DNAJC9: variants seen among roughly 807,000 people sequenced by gnomAD.
The protein encoded by DNAJC9 is DnaJ heat shock protein family (Hsp40) member C9.
DNAJC9 carries 18 observed loss-of-function variants against 32.4 expected under a neutral mutation model. The ratio of observed to expected loss-of-function variants is 0.56; its 90% CI spans 0.38 to 0.82. The LOEUF is 0.82. DNAJC9 is among the 40% of genes least tolerant of loss of function. The probability of loss-of-function intolerance (pLI) is 0.00; values close to 1 mark genes in which losing one functional copy is unlikely to be tolerated. For missense variants in DNAJC9, 310 were observed against 321.8 expected (o/e 0.96, Z 0.28); for synonymous variants, 113 against 122.1 (o/e 0.93, Z 0.49).
downstream of DNAJC9, among the ~76,000 whole-genome samples, chr10:73,237,947 GTCTTC>G (rs1454525049): frequency 1.3e-5 from 2 of 152,006 alleles, no homozygotes; most frequent in African/African-American, 2.4e-5. Context: ...AAATGTTTCA[GTCTTC>G]TCTTTAAGTT....
intron 3 of DNAJC9, among the ~76,000 whole-genome samples, chr10:73,245,364 C>G (rs1218450019): frequency 1.4e-5 from 2 of 142,266 alleles, no homozygotes; most frequent in African/African-American, 2.6e-5. Context: ...CTCTCCTCAC[C>G]CCCACTGTCA....
chr10:73,236,396 T>G (rs959899700), downstream of DNAJC9, among the ~76,000 whole-genome samples: 3 of 151,016 alleles, frequency 2.0e-5, no homozygotes, highest in Non-Finnish European at 4.4e-5. Flanking sequence ...TGCAGCTGCA[T>G]CACTCCCAAT....
At chr10:73,234,861 T>C, downstream of DNAJC9, 2 of 1,551,496 alleles carry the variant, frequency 1.3e-6, no homozygotes, top group South Asian at 2.4e-5. Flanking sequence ...CCGACGCCCC[T>C]GAGTCGAAAT....
intron 1 of DNAJC9, 46 bp from the exon 2 acceptor site, chr10:73,246,874 A>C: frequency 6.2e-7 from 1 of 1,609,796 alleles, no homozygotes; most frequent in Non-Finnish European, 8.5e-7. Context: ...CCTCCCACCG[A>C]AACGGCGGCG....
At position 73,242,971 on chromosome 10, in the gene DNAJC9, A is replaced by C. The variant is rs1040603501; in HGVS notation, c.*429T>G. 1 of 167,026 alleles carries C rather than the reference A, an allele frequency of 6.0e-6. No individual in the cohort carries two copies. The highest frequency in any genetic ancestry group is 2.4e-5 in the African/African-American group (1 of 41,596). 10.3% of individuals were successfully genotyped at this position (167,026 alleles called of 1,614,324 possible). On this transcript the variant is annotated 3_prime_UTR_variant, in exon 5 of 5. Coordinates refer to ENST00000372950, the MANE Select transcript of DNAJC9 (RefSeq NM_015190.5). Reference sequence around the variant, plus strand: ...TCAAGATCATTAAGACCAAATGTAAACTGGGAAGTATGTGGAAGATAGCTG... The same window carrying C: ...TCAAGATCATTAAGACCAAATGTAACCTGGGAAGTATGTGGAAGATAGCTG...
intron 1 of DNAJC9, 81 bp downstream of exon 1, chr10:73,246,929 C>A: frequency 3.2e-6 from 5 of 1,581,820 alleles, no homozygotes; most frequent in African/African-American, 1.4e-5. Flanking sequence ...TCAGCGCGCT[C>A]CCCCGGGGCG....
downstream of DNAJC9, chr10:73,235,255 G>A (rs1466615694): frequency 6.4e-7 from 1 of 1,551,856 alleles, no homozygotes; most frequent in Non-Finnish European, 8.7e-7. Context: ...ACTATCAGCA[G>A]CCACAAGAAA....
rs775660687 is a variant in DNAJC9, at chr10:73,246,784, T to C, written c.225A>G (p.Arg75=). The change falls in exon 2 of 5, where the codon AGA becomes AGG. Residue 75 remains arginine, a synonymous_variant. Coordinates refer to ENST00000372950, the MANE Select transcript of DNAJC9 (RefSeq NM_015190.5). ...CTGTTCCCTGCTCATCGTACACTGC[T>C]CTCTGTTCTCTGTCACTGAGAACGG... The part of the protein sequence containing the change: ...VYSVLSDREQ[R]AVYDEQGTVD... 3 of 1,614,132 alleles carry C rather than the reference T, an allele frequency of 1.9e-6. No homozygotes were observed. In the Admixed American group the frequency reaches 5.0e-5, roughly 27 times the overall value.
downstream of DNAJC9, chr10:73,235,621 G>A (rs1030446517): frequency 2.7e-6 from 1 of 366,408 alleles, no homozygotes; most frequent in Non-Finnish European, 4.6e-6. Context: ...ACTTTATTAT[G>A]TAATCCTGTT....
In DNAJC9 at chr10:73,246,768, G is replaced by A; in HGVS notation, c.241C>T (p.Gln81Ter). The A allele has an allele frequency of 6.2e-7, 1 of 1,614,122 alleles. No individual in the cohort carries two copies. Among genetic ancestry groups the A allele is most frequent in the Non-Finnish European group, 8.5e-7 (1 of 1,179,974 alleles). ...GGAGAGTCCTCGTCCACTGTTCCCT[G>A]CTCATCGTACACTGCTCTCTGTTCT... The part of the protein sequence containing the change: ...DREQRAVYDE[Q>*]GTVDEDSPVL... Residue 81 changes from glutamine to a stop codon, truncating the protein, a stop_gained, in exon 2 of 5, where the codon CAG becomes TAG. Transcript: ENST00000372950. LOFTEE classifies it high-confidence loss of function.
chr10:73,246,683 T>G lies in DNAJC9; in HGVS notation c.321+5A>C, dbSNP rs753219405. 19 of 1,613,752 alleles carry G rather than the reference T, an allele frequency of 1.2e-5. No individual in the cohort carries two copies. The highest frequency in any genetic ancestry group is 1.1e-4 in the African/African-American group (8 of 74,878). ...AGTCACAAAGAAACCTCCAGAGTCC[T>G]TTACCTTTTTAAAGAGTAGCCGCCA... On this transcript the variant is annotated splice_donor_5th_base_variant and intron_variant, in intron 2 of 4. Coordinates refer to ENST00000372950, the MANE Select transcript of DNAJC9 (RefSeq NM_015190.5).
downstream of DNAJC9, chr10:73,235,225 T>C: frequency 6.4e-7 from 1 of 1,551,746 alleles, no homozygotes; most frequent in Non-Finnish European, 8.7e-7. Flanking sequence ...GAGCTCAAAG[T>C]GCGGTGGTGG....
intron 3 of DNAJC9, 136 bp from the exon 4 acceptor site, chr10:73,244,065 CTA>C (rs1324014388): frequency 1.4e-5 from 9 of 659,410 alleles, no homozygotes; most frequent in Admixed American, 6.5e-5. Context: ...AATTACATAA[CTA>C]TGTCATTCAT....
At chr10:73,236,013 G>A (rs577734397), downstream of DNAJC9, among the ~76,000 whole-genome samples, 6 of 152,296 alleles carry the variant, frequency 3.9e-5, no homozygotes, top group African/African-American at 1.2e-4. Context: ...AAGAGCACTT[G>A]GAGAGCCTGG....
Position 73,246,236 on chromosome 10 carries a change from T to C in DNAJC9, c.322-60A>G, listed in dbSNP as rs952242137. The C allele has an allele frequency of 9.1e-6, 14 of 1,539,186 alleles. No homozygotes were observed. In the Admixed American group the frequency reaches 1.5e-4, roughly 16 times the overall value. Reference sequence around the variant, plus strand: ...ATTTTACTTTAAATAAAACGTACGTTAGTAAAACTAGAGTTGGGTGTTGAA... The same window carrying C: ...ATTTTACTTTAAATAAAACGTACGTCAGTAAAACTAGAGTTGGGTGTTGAA... On this transcript the variant is annotated intron_variant, in intron 2 of 4. Coordinates refer to ENST00000372950, the MANE Select transcript of DNAJC9 (RefSeq NM_015190.5).
Position 73,232,870 on chromosome 10 carries a change from C to A in DNAJC9, n.147+10973G>T, listed in dbSNP as rs186557149. The A allele has an allele frequency of 1.6e-3, 1,537 of 932,074 alleles. 45 individuals carry two copies. The Admixed American group carries it at 0.03, about 18-fold the overall frequency. The allele number at this position is 932,074 out of a possible 1,614,324, so 57.7% of individuals were successfully genotyped here. A position where few individuals can be genotyped will look rare whatever the true frequency, so the allele number is the denominator to read the frequency against. On this transcript the variant is annotated intron_variant and non_coding_transcript_variant, in intron 2 of 2. Transcript: ENST00000469143. ...GTAGTTTCTAGTCTAAGGCTTTTTA[C>A]CCCGTTAGTCTTGTCTTCCTTGACA...
chr10:73,235,385 T>A, downstream of DNAJC9: 1 of 1,540,450 alleles, frequency 6.5e-7, no homozygotes, highest in Non-Finnish European at 8.8e-7. Context: ...GGAATAATAG[T>A]TTGGCAGACT....
downstream of DNAJC9, chr10:73,235,076 T>A (rs1589195246): frequency 6.9e-7 from 1 of 1,448,264 alleles, no homozygotes; most frequent in East Asian, 2.5e-5. Context: ...ATTTATGACG[T>A]GGAATTGGAG....
At chr10:73,239,595 A>G (rs113995570), downstream of DNAJC9, among the ~76,000 whole-genome samples, 1,202 of 152,132 alleles carry the variant, frequency 7.9e-3, 15 homozygotes, top group African/African-American at 0.027. Flanking sequence ...AAAAAGTTTC[A>G]GATTCCTATT....
Sources: allele counts gnomAD v4.1 joint callset (sites outside exome capture counted in the v4.1 genomes callset), GRCh38; gene constraint gnomAD v4.1.1; transcripts MANE v1.5; gene names NCBI Gene and HGNC (gene_info 2026-07-23, HGNC 2026-07-21).